TASP1: variants seen among roughly 807,000 people sequenced by gnomAD.
The protein encoded by TASP1 is threonine aspartase 1.
A neutral mutation model predicts 56.6 loss-of-function variants in TASP1; 16 were observed. That is an observed-to-expected ratio of 0.28 (90% confidence interval 0.19 to 0.43). TASP1 has a LOEUF of 0.43. Among genes scored for constraint, TASP1 ranks in the 20% least tolerant of loss-of-function variants. TASP1 has a pLI of 1.00. For synonymous variants in TASP1, 179 were observed against 184.2 expected (o/e 0.97, Z 0.23); for missense variants, 393 against 511.6 (o/e 0.77, Z 2.24).
At chr20:13,633,062 C>T (rs774998507) in intron 1 of TASP1, among the ~76,000 whole-genome samples, 7 of 152,134 alleles carry the variant, frequency 4.6e-5, no homozygotes, top group African/African-American at 7.2e-5. Flanking sequence ...TACGACTCAA[C>T]AACAGCAATT....
chr20:13,599,704 ATAT>A (rs754520870), intron 4 of TASP1, among the ~76,000 whole-genome samples: 13 of 151,992 alleles, frequency 8.6e-5, no homozygotes, highest in Non-Finnish European at 1.8e-4. Context: ...GTAATTCACC[ATAT>A]TAAGAGAAAA....
At chr20:13,402,329 T>C (rs1012931242) in intron 13 of TASP1, among the ~76,000 whole-genome samples, 4 of 152,226 alleles carry the variant, frequency 2.6e-5, no homozygotes, top group Admixed American at 6.5e-5. Context: ...TTTTCATACA[T>C]TCAATCTTCT....
intron 4 of TASP1, among the ~76,000 whole-genome samples, chr20:13,606,946 A>G (rs990737743): frequency 6.6e-6 from 1 of 152,186 alleles, no homozygotes; most frequent in African/African-American, 2.4e-5. Flanking sequence ...CTAGATATAA[A>G]CAGAGTAATT....
At chr20:13,259,777 A>T in the TASP1 span, among the ~76,000 whole-genome samples, 484 of 152,344 alleles carry the variant, frequency 3.2e-3, 4 homozygotes, top group African/African-American at 0.011. Context: ...AGGAAATAAT[A>T]AGCCAAGTGA....
rs187214308 is a variant in TASP1, at chr20:13,554,734, C to T, written c.675+4274G>A. On this transcript the variant is annotated intron_variant, in intron 8 of 13. Transcript: ENST00000337743. ...CTGTAGTCTATTAAGTGTATAATAGCATTATGTTTAAAAAAATATGCATAC... is the reference window on the plus strand; with the variant it reads ...CTGTAGTCTATTAAGTGTATAATAGTATTATGTTTAAAAAAATATGCATAC... Among the ~76,000 whole-genome samples the T allele has an allele frequency of 9.3e-5, 14 of 150,518 alleles. No homozygotes were observed. The East Asian group carries it at 2.2e-3, about 23-fold the overall frequency.
chr20:13,521,997 A>C (rs930055332), intron 10 of TASP1, among the ~76,000 whole-genome samples: 1 of 152,146 alleles, frequency 6.6e-6, no homozygotes, highest in Non-Finnish European at 1.5e-5. Flanking sequence ...ATGAGGTGAG[A>C]GTGGGGGCTT....
chr20:13,190,818 A>G, the TASP1 span, among the ~76,000 whole-genome samples: 1 of 152,178 alleles, frequency 6.6e-6, no homozygotes, highest in Non-Finnish European at 1.5e-5. Context: ...AGGAGAAAAT[A>G]CTTGCAATAT....
chr20:13,572,630 G>C (rs1176706836), intron 6 of TASP1, among the ~76,000 whole-genome samples: 1 of 137,376 alleles, frequency 7.3e-6, no homozygotes, highest in Admixed American at 8.1e-5. Context: ...AGGTTGCAGT[G>C]AGCCAAGATC....
chr20:13,494,083 C>G (rs569576055), intron 10 of TASP1, among the ~76,000 whole-genome samples: 1 of 152,144 alleles, frequency 6.6e-6, no homozygotes, highest in Non-Finnish European at 1.5e-5. Context: ...CACCTGAGAA[C>G]TTCATTAGGA....
intron 8 of TASP1, among the ~76,000 whole-genome samples, chr20:13,541,134 C>T (rs368494822): frequency 1.4e-4 from 21 of 150,838 alleles, no homozygotes; most frequent in African/African-American, 5.1e-4. Context: ...TATTTAAAGA[C>T]AAAATGGCTC....
intron 10 of TASP1, among the ~76,000 whole-genome samples, chr20:13,522,736 C>T (rs2044813295): frequency 6.6e-6 from 1 of 152,028 alleles, no homozygotes; most frequent in Non-Finnish European, 1.5e-5. Flanking sequence ...GGTACTTAGC[C>T]ATCAGACTGG....
At chr20:13,450,784 C>A (rs1379113435) in intron 11 of TASP1, among the ~76,000 whole-genome samples, 3 of 152,090 alleles carry the variant, frequency 2.0e-5, no homozygotes, top group Non-Finnish European at 4.4e-5. Flanking sequence ...ATTTTGACCT[C>A]TTCCCATGAA....
chr20:13,298,775 G>A, the TASP1 span, among the ~76,000 whole-genome samples: 2 of 152,158 alleles, frequency 1.3e-5, no homozygotes, highest in Admixed American at 1.3e-4. Flanking sequence ...CCAGGGGGCT[G>A]CAGGGGTGTC....
chr20:13,272,120 G>C, the TASP1 span, among the ~76,000 whole-genome samples: 1 of 152,046 alleles, frequency 6.6e-6, no homozygotes, highest in African/African-American at 2.4e-5. Context: ...TATTTGTATA[G>C]GTGCACCTTT....
At chr20:13,632,666 C>T (rs1478552716) in intron 1 of TASP1, among the ~76,000 whole-genome samples, 1 of 152,140 alleles carries the variant, frequency 6.6e-6, no homozygotes, top group African/African-American at 2.4e-5. Flanking sequence ...GAAAGGAACT[C>T]AACTAAATTA....
chr20:13,534,225 C>T, intron 8 of TASP1, 84 bp from the exon 9 acceptor site: 1 of 1,444,772 alleles, frequency 6.9e-7, no homozygotes, highest in South Asian at 1.6e-5. Context: ...TCCATACAAT[C>T]ATGACAGAAC....
chr20:13,313,454 T>C, the TASP1 span, among the ~76,000 whole-genome samples: 1 of 152,204 alleles, frequency 6.6e-6, no homozygotes, highest in Admixed American at 6.5e-5. Context: ...CACGGAGCCG[T>C]AGTCAATTGG....
chr20:13,479,566 G>A (rs909122293), intron 11 of TASP1, among the ~76,000 whole-genome samples: 6 of 151,520 alleles, frequency 4.0e-5, no homozygotes, highest in Non-Finnish European at 8.8e-5. Flanking sequence ...ATGTTCAAGC[G>A]ATTCTCCTAC....
the TASP1 span, among the ~76,000 whole-genome samples, chr20:13,336,938 G>T: frequency 2.0e-5 from 3 of 152,214 alleles, no homozygotes; most frequent in Admixed American, 2.0e-4. Context: ...GGATTTGAAT[G>T]CTGGCATCAG....
Sources: allele counts gnomAD v4.1 joint callset (sites outside exome capture counted in the v4.1 genomes callset), GRCh38; gene constraint gnomAD v4.1.1; transcripts MANE v1.5; gene names NCBI Gene and HGNC (gene_info 2026-07-23, HGNC 2026-07-21).